MEIS2: variants seen among roughly 807,000 people sequenced by gnomAD.
MEIS2 encodes the protein homeobox protein Meis2.
Under a neutral mutation model 58.6 loss-of-function variants are expected in MEIS2, and 9 were observed. The ratio of observed to expected loss-of-function variants is 0.15; its 90% CI spans 0.09 to 0.27. MEIS2 has a LOEUF of 0.27. Ranked by LOEUF, MEIS2 falls within the 10% of genes least tolerant of loss-of-function variation. MEIS2 has a pLI of 1.00. For missense variants in MEIS2, 427 were observed against 635.0 expected (o/e 0.67, Z 3.52); for synonymous variants, 221 against 228.4 (o/e 0.97, Z 0.29).
At chr15:37,096,203 C>A in intron 3 of MEIS2, 86 bp downstream of exon 3, 2 of 1,407,794 alleles carry the variant, frequency 1.4e-6, no homozygotes, top group Admixed American at 2.3e-5. Context: ...GTGTCCCTGG[C>A]CTTTCCTCCT....
chr15:36,951,277 G>A (rs928097605), intron 8 of MEIS2, among the ~76,000 whole-genome samples: 3 of 152,016 alleles, frequency 2.0e-5, no homozygotes, highest in African/African-American at 4.8e-5. Flanking sequence ...ACTGTACTGG[G>A]TATACATAAT....
intron 6 of MEIS2, among the ~76,000 whole-genome samples, chr15:37,085,854 A>G (rs893940757): frequency 2.0e-5 from 3 of 152,232 alleles, no homozygotes; most frequent in Non-Finnish European, 4.4e-5. Flanking sequence ...AAAGGCAAAC[A>G]GAATACAGGG....
chr15:37,040,356 T>A (rs1412218828), intron 7 of MEIS2, among the ~76,000 whole-genome samples: 1 of 152,132 alleles, frequency 6.6e-6, no homozygotes, highest in Admixed American at 6.5e-5. Context: ...ATGACTGAAC[T>A]TATCAATGAG....
At chr15:36,965,459 T>C (rs1389462315) in intron 8 of MEIS2, among the ~76,000 whole-genome samples, 1 of 152,232 alleles carries the variant, frequency 6.6e-6, no homozygotes, top group African/African-American at 2.4e-5. Context: ...CTCATACCTC[T>C]CTGTCCCTCC....
intron 9 of MEIS2, among the ~76,000 whole-genome samples, chr15:36,949,331 G>T (rs2058677560): frequency 6.6e-6 from 1 of 151,986 alleles, no homozygotes; most frequent in Non-Finnish European, 1.5e-5. Flanking sequence ...CCCTCGGGTA[G>T]CTCATCAGGC....
At position 37,070,179 on chromosome 15, in the gene MEIS2, C is replaced by T. The variant is rs565795967; in HGVS notation, c.754+13592G>A. ...TGATTAATACAATGAAGAATAACTACATGGAGAGCTGGGTTAATGGAACAT... is the reference window on the plus strand; with the variant it reads ...TGATTAATACAATGAAGAATAACTATATGGAGAGCTGGGTTAATGGAACAT... On this transcript the variant is annotated intron_variant, in intron 7 of 11. Coordinates refer to ENST00000561208, the MANE Select transcript of MEIS2 (RefSeq NM_170675.5). Among the ~76,000 whole-genome samples, 3 of 152,214 alleles carry T rather than the reference C, an allele frequency of 2.0e-5. No homozygotes were observed. The East Asian group carries it at 5.8e-4, about 29-fold the overall frequency.
intron 9 of MEIS2, among the ~76,000 whole-genome samples, chr15:36,926,010 G>GT (rs1306919471): frequency 6.6e-6 from 1 of 152,014 alleles, no homozygotes; most frequent in Non-Finnish European, 1.5e-5. Context: ...TGCATCATCC[G>GT]TTTTTTCACA....
intron 8 of MEIS2, among the ~76,000 whole-genome samples, chr15:37,030,016 A>C (rs2141708244): frequency 6.6e-6 from 1 of 152,006 alleles, no homozygotes; most frequent in Non-Finnish European, 1.5e-5. Context: ...ATCAATCAAT[A>C]AAAAATAATA....
At chr15:36,977,935 A>G (rs1195301783) in intron 8 of MEIS2, among the ~76,000 whole-genome samples, 1 of 152,202 alleles carries the variant, frequency 6.6e-6, no homozygotes, top group Non-Finnish European at 1.5e-5. Context: ...TACTATACAC[A>G]AAATACCCTG....
At chr15:37,066,748 T>C (rs1252783967) in intron 7 of MEIS2, among the ~76,000 whole-genome samples, 1 of 152,174 alleles carries the variant, frequency 6.6e-6, no homozygotes, top group Non-Finnish European at 1.5e-5. Context: ...CATGAGAGCT[T>C]AAAGAGATAA....
chr15:36,994,746 CACAAACATGCA>C (rs1434055138), intron 8 of MEIS2, among the ~76,000 whole-genome samples: 6 of 152,148 alleles, frequency 3.9e-5, no homozygotes, highest in African/African-American at 1.4e-4. Flanking sequence ...TATTTTCAAG[CACAAACATGCA>C]AATACATAGA....
At chr15:37,095,237 C>CG (rs1894080190) in intron 4 of MEIS2, among the ~76,000 whole-genome samples, 1 of 151,142 alleles carries the variant, frequency 6.6e-6, no homozygotes, top group Admixed American at 6.6e-5. Context: ...GCCCGGGGCT[C>CG]GGCCGCCTGC....
At chr15:37,086,897 C>T (rs1892960738) in intron 6 of MEIS2, among the ~76,000 whole-genome samples, 1 of 152,126 alleles carries the variant, frequency 6.6e-6, no homozygotes, top group Admixed American at 6.6e-5. Context: ...ATGGACAAAA[C>T]CTATTACTTT....
chr15:36,898,076 G>A (rs2056278099), intron 9 of MEIS2: 1 of 152,168 alleles, frequency 6.6e-6, no homozygotes, highest in African/African-American at 2.4e-5. Flanking sequence ...GCAAAACAAT[G>A]GACTTCTTTA....
rs144249753 is a variant in MEIS2, at chr15:37,054,117, TG to T, written c.755-17159del. Among the ~76,000 whole-genome samples the T allele has an allele frequency of 4.5e-3, 684 of 152,338 alleles. 6 individuals carry two copies. Among genetic ancestry groups the T allele is most frequent in the Middle Eastern group, 6.8e-3 (2 of 294 alleles). On this transcript the variant is annotated intron_variant, in intron 7 of 11. Transcript: ENST00000561208. Reference sequence around the variant, plus strand: ...CTGAAATCACTAATATTTGACTTTTTGATCTACCAAAATGGCAATTCCATAA... The same window carrying T: ...CTGAAATCACTAATATTTGACTTTTTATCTACCAAAATGGCAATTCCATAA...
intron 8 of MEIS2, among the ~76,000 whole-genome samples, chr15:36,981,879 T>C (rs2059936705): frequency 6.6e-6 from 1 of 152,116 alleles, no homozygotes; most frequent in Admixed American, 6.6e-5. Context: ...CATTTTCTCC[T>C]GACCTTGTAT....
At chr15:37,038,063 A>G (rs1385099582) in intron 7 of MEIS2, among the ~76,000 whole-genome samples, 3 of 152,230 alleles carry the variant, frequency 2.0e-5, no homozygotes, top group Non-Finnish European at 2.9e-5. Context: ...CTGGTGTTTA[A>G]GAAGCCAGGG....
chr15:36,937,025 G>A (rs2058201479), intron 9 of MEIS2, among the ~76,000 whole-genome samples: 1 of 152,178 alleles, frequency 6.6e-6, no homozygotes. Flanking sequence ...AACACAAACG[G>A]TGAACAAGCA....
intron 7 of MEIS2, among the ~76,000 whole-genome samples, chr15:37,078,108 C>T (rs1350975115): frequency 6.6e-6 from 1 of 152,046 alleles, no homozygotes; most frequent in Non-Finnish European, 1.5e-5. Context: ...CTATTCTCAG[C>T]TTTCAGTAAT....
Sources: gnomAD v4.1 joint callset for allele counts (sites outside exome capture counted in the v4.1 genomes callset) on GRCh38, gnomAD v4.1.1 for gene constraint, MANE v1.5 for transcripts, NCBI Gene and HGNC (gene_info 2026-07-23, HGNC 2026-07-21) for gene names.